The following BPIFB4 variants were observed in gnomAD, a reference collection of about 807,000 sequenced individuals.
The protein encoded by BPIFB4 is BPI fold containing family B member 4, also known as BPI fold-containing family B member 4.
Under a neutral mutation model 69.2 loss-of-function variants are expected in BPIFB4, and 62 were observed. The observed-to-expected ratio is 0.90, with a 90% CI of 0.73 to 1.11. The LOEUF (loss-of-function observed/expected upper bound fraction) is 1.11. BPIFB4 is among the 50% of genes least tolerant of loss of function. The pLI, the probability that BPIFB4 is intolerant of heterozygous loss-of-function variation, is 0.00. For missense variants in BPIFB4, 789 were observed against 792.0 expected, an observed-to-expected ratio of 1.00 and a Z score of 0.04; for synonymous variants, 330 against 332.7, an observed-to-expected ratio of 0.99 and a Z score of 0.09.
Position 33,083,856 on chromosome 20 carries a change from C to G in BPIFB4, c.659C>G (p.Thr220Ser), listed in dbSNP as rs764105327. ...GVLGEGGILS[T>S]VQGITGLRIV... is the part of the protein sequence containing the mutation. ...CTCGGCGAGGGTGGCATCCTCAGCA[C>G]TGTGCAAGGCATCACGGGGTAAGGA... The change falls in exon 5 of 18, where the codon ACT (threonine) becomes AGT (serine). Residue 220 changes from threonine to serine, a missense_variant. Around this residue, in one of 3 missense-constraint regions of BPIFB4, gnomAD observed 611 missense variants for 575.4 expected, o/e 1.06. Coordinates refer to ENST00000375483, the MANE Select transcript of BPIFB4 (RefSeq NM_182519.3). 1.1e-5 allele frequency: 18 copies of G among 1,609,360 alleles called. No homozygotes were observed. In the South Asian group the frequency reaches 2.0e-4, roughly 18 times the overall value.
chr20:33,102,088 G>T (rs1430198219), intron 14 of BPIFB4, among the ~76,000 whole-genome samples: 6 of 152,176 alleles, frequency 3.9e-5, no homozygotes, highest in Non-Finnish European at 5.9e-5. Context: ...TAAGGAGTAG[G>T]GGCCAGCTGG....
chr20:33,109,555 G>T (rs1358697979), intron 17 of BPIFB4, among the ~76,000 whole-genome samples: 2 of 152,138 alleles, frequency 1.3e-5, no homozygotes, highest in African/African-American at 4.8e-5. Flanking sequence ...TCTCAGTGGG[G>T]CTGTACTACA....
rs150980536 is a variant in BPIFB4 at position 33,083,415 on chromosome 20, C to G, written c.218C>G (p.Pro73Arg). The G allele has an allele frequency of 3.1e-6, 5 of 1,613,438 alleles. No homozygotes were observed. The highest frequency in any genetic ancestry group is 2.2e-5 in the South Asian group (2 of 91,042). Residue 73 changes from proline to arginine, a missense_variant, in exon 5 of 18, where the codon CCA (proline) becomes CGA (arginine). Pro to Arg is a moderately radical substitution (Grantham distance 103). Around this residue, in one of 3 missense-constraint regions of BPIFB4, gnomAD observed 611 missense variants for 575.4 expected, o/e 1.06. Coordinates refer to ENST00000375483, the MANE Select transcript of BPIFB4 (RefSeq NM_182519.3). Reference sequence around the variant, plus strand: ...GACTTCCATGTCCGAGGACCCCCCCCAGTATATACCAACGGCAAAAAACTT... The same window carrying G: ...GACTTCCATGTCCGAGGACCCCCCCGAGTATATACCAACGGCAAAAAACTT... Reference protein sequence around the residue: ...YNDFHVRGPPPVYTNGKKLDG... With the variant: ...YNDFHVRGPPRVYTNGKKLDG...
chr20:33,097,051 C>T (rs984299138), intron 12 of BPIFB4, among the ~76,000 whole-genome samples: 4 of 152,226 alleles, frequency 2.6e-5, no homozygotes, highest in Non-Finnish European at 5.9e-5. Flanking sequence ...CGGGGGCAGC[C>T]TGTGCCTTGC....
At chr20:33,083,038 C>T (rs766298332) in intron 4 of BPIFB4, 38 bp downstream of exon 4, 15 of 1,307,952 alleles carry the variant, frequency 1.1e-5, no homozygotes, top group East Asian at 4.9e-5. Context: ...CTCTCCTGGG[C>T]GGTCTGCTTG....
rs753777319 is a variant in BPIFB4 at position 33,104,827 on chromosome 20, G to A, written c.1698G>A (p.Val566=). The change falls in exon 16 of 18, where the codon GTG becomes GTA. Residue 566 remains valine (V), a synonymous_variant. Coordinates refer to ENST00000375483, the MANE Select transcript of BPIFB4 (RefSeq NM_182519.3). ...VGNFDIGLME[V]LVEKIFDLAF... ...CTCTGCAGATTGGCCTCATGGAGGT[G>A]CTGGTGGAGAAGATTTTTGACCTGG... is the stretch of plus-strand genomic sequence containing the variant. 2.4e-5 allele frequency: 38 copies of A among 1,614,050 alleles called. No individual in the cohort carries two copies. Among genetic ancestry groups the A allele is most frequent in the Non-Finnish European group, 3.2e-5 (38 of 1,180,036 alleles).
chr20:33,101,481 AATT>A (rs546034326), intron 14 of BPIFB4, among the ~76,000 whole-genome samples: 82 of 152,310 alleles, frequency 5.4e-4, no homozygotes, highest in African/African-American at 1.8e-3. Flanking sequence ...TAAAAAGAAT[AATT>A]ATTATTCATT....
rs1981881616 is a variant in BPIFB4, at chr20:33,100,551, C to A, written c.1637+58C>A. ...GTGCTGGTGCTGCTCATGGAGGAGCCACCAGGGAGCGGGTAGAGGTCTCCT... is the reference window on the plus strand; with the variant it reads ...GTGCTGGTGCTGCTCATGGAGGAGCAACCAGGGAGCGGGTAGAGGTCTCCT... On this transcript the variant is annotated intron_variant, in intron 14 of 17. Coordinates refer to ENST00000375483, the MANE Select transcript of BPIFB4 (RefSeq NM_182519.3). 4.0e-6 allele frequency: 6 copies of A among 1,494,046 alleles called. No individual in the cohort carries two copies. In the Admixed American group the frequency reaches 8.5e-5, roughly 21 times the overall value. 92.5% of individuals were successfully genotyped at this position (1,494,046 alleles called of 1,614,324 possible).
chr20:33,109,737 T>C (rs1170524251), intron 17 of BPIFB4, among the ~76,000 whole-genome samples: 1 of 152,200 alleles, frequency 6.6e-6, no homozygotes, highest in African/African-American at 2.4e-5. Context: ...AATATAGGTA[T>C]ACACAGGTTA....
At chr20:33,094,310 G>T (rs773584071) in intron 11 of BPIFB4, among the ~76,000 whole-genome samples, 1 of 152,164 alleles carries the variant, frequency 6.6e-6, no homozygotes, top group Non-Finnish European at 1.5e-5. Context: ...GTGTCAAGTG[G>T]TACTGGCTTT....
In BPIFB4 at chr20:33,097,643, C is replaced by A. The variant is rs767203187; in HGVS notation, c.1425C>A (p.Cys475Ter). The change falls in exon 13 of 18, where the codon TGC becomes TGA. Residue 475 changes from cysteine (C) to a stop codon, truncating the protein, a stop_gained. Coordinates refer to ENST00000375483, the MANE Select transcript of BPIFB4 (RefSeq NM_182519.3). LOFTEE classifies it high-confidence loss of function. ...PKVFQQYPES[C>*]PLIIRIQVLN... ...TGTTCCAGCAGTACCCCGAGTCCTGCCCACTTATCATCAGGATCCAGGTGC... is the reference window on the plus strand; with the variant it reads ...TGTTCCAGCAGTACCCCGAGTCCTGACCACTTATCATCAGGATCCAGGTGC... 3.1e-6 allele frequency: 5 copies of A among 1,614,052 alleles called. No individual in the cohort carries two copies. The South Asian group carries it at 5.5e-5, about 18-fold the overall frequency.
intron 17 of BPIFB4, 96 bp downstream of exon 17, chr20:33,107,916 A>G: frequency 9.0e-7 from 1 of 1,116,040 alleles, no homozygotes. Context: ...GAAGAGGAAG[A>G]GAAGAGGAGG....
intron 6 of BPIFB4, 39 bp from the exon 7 acceptor site, chr20:33,085,982 G>A (rs140703275): frequency 6.3e-6 from 10 of 1,583,396 alleles, no homozygotes; most frequent in Middle Eastern, 2.0e-4. Context: ...GGCGGCTGGG[G>A]GTGACTCATG....
chr20:33,107,669 CA>C (rs1982108072), intron 16 of BPIFB4, 74 bp from the exon 17 acceptor site: 3 of 1,134,590 alleles, frequency 2.6e-6, no homozygotes, highest in African/African-American at 1.5e-5. Flanking sequence ...AATCTTCTTA[CA>C]AATACTGGCG....
In BPIFB4 at chr20:33,081,578, A is replaced by AC; in HGVS notation, c.54dup (p.Ser19GlnfsTer27). 6.4e-7 allele frequency: 1 copy of AC among 1,551,540 alleles called. No individual in the cohort carries two copies. On this transcript the variant is annotated frameshift_variant, in exon 3 of 18. Transcript: ENST00000375483. LOFTEE classifies it high-confidence loss of function. ...GCTGTCTGTGGTGGCTGTGTGTGGC[A>AC]CCAGCCACGAGACAAACACGGTCCT...
At chr20:33,089,599 A>T in intron 9 of BPIFB4, 41 bp downstream of exon 9, 1 of 1,613,974 alleles carries the variant, frequency 6.2e-7, no homozygotes, top group Non-Finnish European at 8.5e-7. Context: ...GAAGGCACTG[A>T]GGACCGGGCC....
intron 9 of BPIFB4, 26 bp from the exon 10 acceptor site, chr20:33,090,682 C>T: frequency 6.2e-7 from 1 of 1,613,180 alleles, no homozygotes; most frequent in Non-Finnish European, 8.5e-7. Flanking sequence ...AGGGGACCTC[C>T]CTGTGACCCT....
At position 33,084,953 on chromosome 20, in the gene BPIFB4, G is replaced by A. The variant is rs776635031; in HGVS notation, c.739G>A (p.Val247Ile). Residue 247 changes from valine to isoleucine, a missense_variant, in exon 6 of 18, where the codon GTC (valine) becomes ATC (isoleucine). Val to Ile is a conservative substitution (Grantham distance 29). Around this residue, in one of 3 missense-constraint regions of BPIFB4, gnomAD observed 611 missense variants for 575.4 expected, o/e 1.06. Coordinates refer to ENST00000375483, the MANE Select transcript of BPIFB4 (RefSeq NM_182519.3). ...VSVRLLPGVG[V>I]YLSLYTRVAI... The stretch of plus-strand genomic sequence containing the variant: ...CGTGCGGCTCCTGCCCGGCGTGGGT[G>A]TCTACCTGAGCTTGTACACCCGTGT... The A allele has an allele frequency of 1.2e-6, 2 of 1,611,786 alleles. No homozygotes were observed. Among genetic ancestry groups the A allele is most frequent in the African/African-American group, 1.3e-5 (1 of 74,926 alleles).
chr20:33,103,142 C>A, intron 15 of BPIFB4, 128 bp downstream of exon 15: 1 of 1,013,570 alleles, frequency 9.9e-7, no homozygotes, highest in Non-Finnish European at 1.5e-6. Flanking sequence ...GTGCTCCCGT[C>A]AACACTATCA....
Sources: allele counts gnomAD v4.1 joint callset (sites outside exome capture counted in the v4.1 genomes callset), GRCh38; gene constraint gnomAD v4.1.1; regional missense constraint gnomAD v4.1.1; transcripts MANE v1.5; gene names NCBI Gene and HGNC (gene_info 2026-07-23, HGNC 2026-07-21).